SI: variants seen among roughly 807,000 people sequenced by gnomAD.
The protein encoded by SI is sucrase-isomaltase, intestinal.
Under a neutral mutation model 253.3 loss-of-function variants are expected in SI, and 235 were observed. That is an observed-to-expected ratio of 0.93 (90% CI 0.83 to 1.03). The LOEUF is 1.03. Among genes scored for constraint, SI ranks in the 50% least tolerant of loss-of-function variants. The pLI is 0.00. For missense variants in SI, 2,442 were observed against 2,211.1 expected, an observed-to-expected ratio of 1.10 and a Z score of -2.09; for synonymous variants, 819 against 712.0, an observed-to-expected ratio of 1.15 and a Z score of -2.39.
intron 27 of SI, 71 bp downstream of exon 27, chr3:165,021,158 T>G (rs1158770600): frequency 2.4e-5 from 32 of 1,351,322 alleles, no homozygotes; most frequent in Non-Finnish European, 3.0e-5. Flanking sequence ...TGAAGGCTGT[T>G]AATCATTTTA....
At chr3:165,070,560 C>T (rs1451279680) in intron 3 of SI, among the ~76,000 whole-genome samples, 2 of 150,960 alleles carry the variant, frequency 1.3e-5, no homozygotes, top group African/African-American at 4.9e-5. Context: ...AGAGACAATT[C>T]TACAAAAAAA....
intron 40 of SI, among the ~76,000 whole-genome samples, chr3:164,995,646 C>T (rs1200319734): frequency 6.6e-6 from 1 of 151,672 alleles, no homozygotes; most frequent in Non-Finnish European, 1.5e-5. Context: ...ATGTGGAATT[C>T]TCCATACGTT....
chr3:165,026,340 C>T (rs1711921077), intron 25 of SI, among the ~76,000 whole-genome samples: 1 of 151,226 alleles, frequency 6.6e-6, no homozygotes, highest in Admixed American at 6.6e-5. Flanking sequence ...AAAACAATTA[C>T]TAATAGACCT....
At chr3:165,036,537 C>T (rs112515109) in intron 21 of SI, 60 bp from the exon 22 acceptor site, 1 of 1,199,146 alleles carries the variant, frequency 8.3e-7, no homozygotes, top group Non-Finnish European at 1.2e-6. Context: ...ATACAATATC[C>T]TATAAACAAG....
At position 165,039,147 on chromosome 3, in the gene SI, T is replaced by C. The variant is rs771524149; in HGVS notation, c.2245-13A>G. The C allele has an allele frequency of 1.3e-6, 2 of 1,539,714 alleles. No individual in the cohort carries two copies. The highest frequency in any genetic ancestry group is 9.0e-7 in the Non-Finnish European group (1 of 1,116,122). On this transcript the variant is annotated splice_polypyrimidine_tract_variant and intron_variant, in intron 19 of 47. Transcript: ENST00000264382. The stretch of plus-strand genomic sequence containing the variant: ...CAGTATCTGCTCCCTAAAATAAAGA[T>C]AATATGTATTTTTTAATTTCAATTT...
At chr3:165,049,392 C>A in intron 14 of SI, 148 bp from the exon 15 acceptor site, 1 of 622,320 alleles carries the variant, frequency 1.6e-6, no homozygotes. Context: ...TCCAATTAAA[C>A]CTAAAATAAG....
chr3:165,068,587 A>T, intron 5 of SI, 135 bp downstream of exon 5: 1 of 721,546 alleles, frequency 1.4e-6, no homozygotes, highest in South Asian at 1.4e-5. Flanking sequence ...GTTAGCCAGG[A>T]TGGTCTCCAT....
In SI at chr3:164,982,985, T is replaced by C. The variant is rs370919384; in HGVS notation, c.5247+17A>G. ...AAATATTCCTTAACAGAATTGCATATAAATAATCTTACATACCTGGTTTAA... is the reference window on the plus strand; with the variant it reads ...AAATATTCCTTAACAGAATTGCATACAAATAATCTTACATACCTGGTTTAA... On this transcript the variant is annotated intron_variant, in intron 46 of 47. Transcript: ENST00000264382. The C allele has an allele frequency of 1.4e-5, 22 of 1,551,690 alleles. No individual in the cohort carries two copies. In the African/African-American group the frequency reaches 2.8e-4, roughly 20 times the overall value.
Position 165,030,886 on chromosome 3 carries a change from A to AT in SI, c.2737-20_2737-19insA. 7 of 1,523,384 alleles carry AT rather than the reference A, an allele frequency of 4.6e-6. No individual in the cohort carries two copies. Among genetic ancestry groups the AT allele is most frequent in the Non-Finnish European group, 5.3e-6 (6 of 1,137,490 alleles). The allele number at this position is 1,523,384 out of a possible 1,614,324, so 94.4% of individuals were successfully genotyped here. A position where few individuals can be genotyped will look rare whatever the true frequency, so the allele number is the denominator to read the frequency against. ...GGAGAACCTTTGAAGACAAAAAAAA[A>AT]AAAAGAAAAAAAGAAAAAAAAAACA... On this transcript the variant is annotated intron_variant, in intron 24 of 47. Transcript: ENST00000264382.
chr3:165,072,446 A>G (rs568018069), intron 3 of SI, among the ~76,000 whole-genome samples: 1 of 152,184 alleles, frequency 6.6e-6, no homozygotes, highest in Admixed American at 6.6e-5. Context: ...CCTGAGTGAC[A>G]AAGTTTGAAT....
At chr3:165,003,210 T>G (rs1718337567) in intron 37 of SI, among the ~76,000 whole-genome samples, 1 of 151,966 alleles carries the variant, frequency 6.6e-6, no homozygotes, top group South Asian at 2.1e-4. Context: ...AGAAGTATAC[T>G]TATTTCCTGT....
At chr3:164,984,259 A>C (rs944600741) in intron 45 of SI, among the ~76,000 whole-genome samples, 3 of 152,134 alleles carry the variant, frequency 2.0e-5, no homozygotes, top group African/African-American at 2.4e-5. Context: ...TTATTCTCTT[A>C]TCTACTTATA....
At chr3:165,040,471 CT>C (rs1191748954) in intron 18 of SI, among the ~76,000 whole-genome samples, 1 of 151,950 alleles carries the variant, frequency 6.6e-6, no homozygotes, top group Non-Finnish European at 1.5e-5. Flanking sequence ...ACTTTCTTCA[CT>C]TAACTTTTTT....
At chr3:164,997,944 A>T (rs995911794) in intron 38 of SI, among the ~76,000 whole-genome samples, 1 of 151,658 alleles carries the variant, frequency 6.6e-6, no homozygotes, top group Non-Finnish European at 1.5e-5. Flanking sequence ...GGCGAATTCC[A>T]TGTCTTTGTC....
chr3:165,069,556 T>G (rs971072910), intron 3 of SI, among the ~76,000 whole-genome samples: 2 of 152,110 alleles, frequency 1.3e-5, no homozygotes, highest in Non-Finnish European at 2.9e-5. Context: ...GTACTAATTA[T>G]GTATCAAGCT....
chr3:165,076,109 A>G lies in SI; in HGVS notation c.1-97T>C, dbSNP rs1196546683. ...GAAATTACATATTCTTTTTTTTACT[A>G]TGTATAATGCAGAGTTGAAGACAGC... On this transcript the variant is annotated intron_variant, in intron 1 of 47. Coordinates refer to ENST00000264382, the MANE Select transcript of SI (RefSeq NM_001041.4). 7 of 931,094 alleles carry G rather than the reference A, an allele frequency of 7.5e-6. No individual in the cohort carries two copies. The African/African-American group carries it at 8.3e-5, about 11-fold the overall frequency. 57.7% of individuals were successfully genotyped at this position (931,094 alleles called of 1,614,324 possible).
chr3:165,040,909 T>C (rs1159500563), intron 18 of SI, 31 bp downstream of exon 18: 1 of 1,542,970 alleles, frequency 6.5e-7, no homozygotes, highest in East Asian at 2.3e-5. Context: ...CTTTAAAAGG[T>C]ATTATTATAA....
chr3:165,061,910 A>G (rs918427579), intron 9 of SI, among the ~76,000 whole-genome samples: 78 of 151,866 alleles, frequency 5.1e-4, no homozygotes, highest in African/African-American at 1.9e-3. Flanking sequence ...ATAAGAGCCA[A>G]TTTTCCTGGA....
chr3:165,023,536 A>G, intron 26 of SI, 34 bp downstream of exon 26: 1 of 1,387,750 alleles, frequency 7.2e-7, no homozygotes, highest in Non-Finnish European at 1.0e-6. Flanking sequence ...TCACAAGATG[A>G]GTTAAGCTTT....
Sources: allele counts gnomAD v4.1 joint callset (sites outside exome capture counted in the v4.1 genomes callset), GRCh38; gene constraint gnomAD v4.1.1; transcripts MANE v1.5; gene names NCBI Gene and HGNC (gene_info 2026-07-23, HGNC 2026-07-21).